The following CFH variants were observed in gnomAD, a reference collection of about 807,000 sequenced individuals.
The protein encoded by CFH is complement factor H, also known as H factor 1 (complement).
In CFH, 53 loss-of-function variants were observed where a neutral mutation model predicts 147.3. The observed-to-expected ratio is 0.36, with a 90% CI of 0.29 to 0.45. The LOEUF (loss-of-function observed/expected upper bound fraction) is 0.45. CFH is among the 20% of genes least tolerant of loss of function. The pLI is 1.00. For missense variants in CFH, 1,380 were observed against 1,498.0 expected, an observed-to-expected ratio of 0.92 and a Z score of 1.30; for synonymous variants, 536 against 489.4, an observed-to-expected ratio of 1.10 and a Z score of -1.26.
rs141991898 is a variant in CFH at position 196,688,402 on chromosome 1, A to G, written c.965-1018A>G. Among the ~76,000 whole-genome samples the G allele has an allele frequency of 5.8e-3, 880 of 152,206 alleles. 10 individuals carry two copies. The highest frequency in any genetic ancestry group is 0.02 in the African/African-American group (831 of 41,548). ...AAATTAGAAATAAACAAAAAAGTTA[A>G]TCAAAATCTTAACTATTTGGATATG... On this transcript the variant is annotated intron_variant, in intron 7 of 21. Coordinates refer to ENST00000367429, the MANE Select transcript of CFH (RefSeq NM_000186.4).
chr1:196,686,673 G>A (rs1346343111), intron 7 of CFH, among the ~76,000 whole-genome samples: 1 of 152,048 alleles, frequency 6.6e-6, no homozygotes, highest in Admixed American at 6.6e-5. Context: ...AAACATTTCA[G>A]TGTGCATAAG....
rs1261273441 is a variant in CFH at position 196,673,042 on chromosome 1, A to G, written c.123A>G (p.Thr41=). ...EILTGSWSDQ[T]YPEGTQAIYK... Reference sequence around the variant, plus strand: ...TGACAGGTTCCTGGTCTGACCAAACATATCCAGAAGGCACCCAGGCTATCT... The same window carrying G: ...TGACAGGTTCCTGGTCTGACCAAACGTATCCAGAAGGCACCCAGGCTATCT... Residue 41 remains threonine, a synonymous_variant, in exon 2 of 22, where the codon ACA becomes ACG. Coordinates refer to ENST00000367429, the MANE Select transcript of CFH (RefSeq NM_000186.4). 2 of 1,614,134 alleles carry G rather than the reference A, an allele frequency of 1.2e-6. No homozygotes were observed. Among genetic ancestry groups the G allele is most frequent in the Admixed American group, 3.3e-5 (2 of 60,020 alleles).
At chr1:196,692,927 C>CTTCCTTCCTTCT (rs1274738772) in intron 9 of CFH, among the ~76,000 whole-genome samples, 10 of 142,428 alleles carry the variant, frequency 7.0e-5, no homozygotes, top group South Asian at 2.3e-4. Context: ...TCCTTCCTTC[C>CTTCCTTCCTTCT]TTCCTTCTTT....
chr1:196,726,582 A>G lies in CFH; in HGVS notation c.1986A>G (p.Arg662=), dbSNP rs950210342. The G allele has an allele frequency of 1.9e-6, 3 of 1,612,958 alleles. No homozygotes were observed. The highest frequency in any genetic ancestry group is 2.7e-5 in the African/African-American group (2 of 75,020). The change falls in exon 13 of 22, where the codon AGA becomes AGG. Residue 662 remains arginine (R), a synonymous_variant. Transcript: ENST00000367429. ...TGGTGGAATATTATTGCAATCCTAG[A>G]TTTCTAATGAAGGGACCTAATAAAA... ...SEVVEYYCNP[R]FLMKGPNKIQ...
intron 11 of CFH, among the ~76,000 whole-genome samples, chr1:196,722,297 C>T (rs1393416308): frequency 6.6e-6 from 1 of 152,006 alleles, no homozygotes; most frequent in African/African-American, 2.4e-5. Context: ...TTGGGAAAGA[C>T]TTTATATATT....
chr1:196,663,108 C>A (rs1666963428), intron 1 of CFH, among the ~76,000 whole-genome samples: 1 of 152,026 alleles, frequency 6.6e-6, no homozygotes, highest in Non-Finnish European at 1.5e-5. Context: ...TCTGCATATT[C>A]CTTATGATGC....
intron 1 of CFH, among the ~76,000 whole-genome samples, chr1:196,656,530 T>C (rs1036093153): frequency 6.6e-6 from 1 of 152,144 alleles, no homozygotes; most frequent in Non-Finnish European, 1.5e-5. Context: ...TACTGTCTAC[T>C]ACGCTTTTTC....
intron 6 of CFH, among the ~76,000 whole-genome samples, chr1:196,680,670 A>G (rs1193584175): frequency 2.0e-5 from 3 of 151,908 alleles, no homozygotes; most frequent in African/African-American, 7.2e-5. Context: ...CATATGGTCC[A>G]GAAATCTAAA....
intron 17 of CFH, among the ~76,000 whole-genome samples, chr1:196,738,020 T>C (rs1385644679): frequency 2.6e-5 from 4 of 152,044 alleles, no homozygotes; most frequent in Non-Finnish European, 5.9e-5. Context: ...AAACTTACAA[T>C]CATGGTGGAG....
rs372885544 is a variant in CFH at position 196,745,765 on chromosome 1, G to A, written c.3311-52G>A. 5.5e-5 allele frequency: 89 copies of A among 1,613,136 alleles called. No individual in the cohort carries two copies. The African/African-American group carries it at 9.9e-4, about 18-fold the overall frequency. ...GTTTGCGTTTGCCTTATTTGAACTT[G>A]TATTTTGATTTGCTCTCACAACAAA... On this transcript the variant is annotated intron_variant, in intron 20 of 21. Coordinates refer to ENST00000367429, the MANE Select transcript of CFH (RefSeq NM_000186.4).
intron 9 of CFH, among the ~76,000 whole-genome samples, chr1:196,711,913 T>C (rs191158429): frequency 6.6e-6 from 1 of 152,236 alleles, no homozygotes; most frequent in Non-Finnish European, 1.5e-5. Flanking sequence ...GCTGTGGAAA[T>C]TTGTAGAGCC....
intron 6 of CFH, among the ~76,000 whole-genome samples, chr1:196,684,350 A>G (rs1667752012): frequency 6.6e-6 from 1 of 151,946 alleles, no homozygotes; most frequent in Non-Finnish European, 1.5e-5. Flanking sequence ...CTGCTATTTT[A>G]TCCTATTATA....
At chr1:196,739,452 A>G (rs190364048) in intron 17 of CFH, among the ~76,000 whole-genome samples, 2 of 152,236 alleles carry the variant, frequency 1.3e-5, no homozygotes, top group African/African-American at 4.8e-5. Flanking sequence ...CTCAAGTTCA[A>G]AGTTCCACAG....
At chr1:196,663,164 T>TTTACTGCTTGG (rs1273069307) in intron 1 of CFH, among the ~76,000 whole-genome samples, 15 of 152,302 alleles carry the variant, frequency 9.8e-5, no homozygotes, top group African/African-American at 3.6e-4. Flanking sequence ...AATTCTTGGA[T>TTTACTGCTTGG]ATATTAATTG....
intron 14 of CFH, 39 bp from the exon 15 acceptor site, chr1:196,728,307 T>C: frequency 7.9e-7 from 1 of 1,262,358 alleles, no homozygotes; most frequent in Non-Finnish European, 1.1e-6. Context: ...GTTTGATTCC[T>C]ATCATTTGAA....
At chr1:196,701,622 A>C (rs1231297291) in intron 9 of CFH, 11 of 437,218 alleles carry the variant, frequency 2.5e-5, no homozygotes, top group Middle Eastern at 1.3e-3. Context: ...CAAATCTGAC[A>C]ATCTCGTAAC....
At chr1:196,733,326 T>A (rs1310344704) in intron 15 of CFH, among the ~76,000 whole-genome samples, 2 of 152,122 alleles carry the variant, frequency 1.3e-5, no homozygotes, top group Admixed American at 1.3e-4. Flanking sequence ...TTTCCTTTTC[T>A]GCACTGCTCC....
intron 9 of CFH, among the ~76,000 whole-genome samples, chr1:196,694,337 A>ATCCT (rs1477784910): frequency 2.0e-5 from 3 of 152,048 alleles, no homozygotes; most frequent in Non-Finnish European, 4.4e-5. Context: ...ACACGAACTC[A>ATCCT]TTCAATTTAT....
At position 196,652,112 on chromosome 1, in the gene CFH, CA is replaced by C; in HGVS notation, c.1del. Reference sequence around the variant, plus strand: ...CTGGTAAATGTCCTCTTAAAAGATCCAAAAAATGAGACTTCTAGCAAAGATT... The same window carrying C: ...CTGGTAAATGTCCTCTTAAAAGATCCAAAAATGAGACTTCTAGCAAAGATT... On this transcript the variant is annotated 5_prime_UTR_variant, in exon 1 of 22. Transcript: ENST00000367429. 6.2e-7 allele frequency: 1 copy of C among 1,605,860 alleles called. No individual in the cohort carries two copies. Among genetic ancestry groups the C allele is most frequent in the Non-Finnish European group, 8.5e-7 (1 of 1,172,680 alleles).
Sources: allele counts gnomAD v4.1 joint callset (sites outside exome capture counted in the v4.1 genomes callset), GRCh38; gene constraint gnomAD v4.1.1; transcripts MANE v1.5; gene names NCBI Gene and HGNC (gene_info 2026-07-23, HGNC 2026-07-21).